RTN1: variants seen among roughly 807,000 people sequenced by gnomAD.
RTN1 encodes the protein reticulon-1.
A neutral mutation model predicts 65.5 loss-of-function variants in RTN1; 25 were observed. The observed-to-expected ratio is 0.38, with a 90% CI of 0.28 to 0.53. RTN1 has a LOEUF of 0.53. Among genes scored for constraint, RTN1 ranks in the 20% least tolerant of loss-of-function variants. RTN1 has a pLI of 0.79. For missense variants in RTN1, 983 were observed against 1,025.4 expected (o/e 0.96, Z 0.57); for synonymous variants, 471 against 447.6 (o/e 1.05, Z -0.66).
chr14:59,768,295 C>T (rs1885887999), intron 1 of RTN1, among the ~76,000 whole-genome samples: 1 of 152,160 alleles, frequency 6.6e-6, no homozygotes, highest in Non-Finnish European at 1.5e-5. Context: ...TTAAAAAATT[C>T]CCTATAAATG....
chr14:59,812,027 G>A (rs1032606760), intron 1 of RTN1, among the ~76,000 whole-genome samples: 1 of 152,110 alleles, frequency 6.6e-6, no homozygotes, highest in Non-Finnish European at 1.5e-5. Flanking sequence ...GCACCTCACT[G>A]TGCTATTCAG....
In RTN1 at chr14:59,643,756, CA is replaced by C. The variant is rs1437851518; in HGVS notation, c.1766-36265del. 2.0e-5 allele frequency among the ~76,000 whole-genome samples: 3 copies of C among 151,982 alleles called. No individual in the cohort carries two copies. In the South Asian group the frequency reaches 6.2e-4, roughly 32 times the overall value. On this transcript the variant is annotated intron_variant, in intron 3 of 8. Transcript: ENST00000267484. Reference sequence around the variant, plus strand: ...AGTCAGAAAAGTTACTAAAAACAAACAAAAAATCAAAACAATAACAATAACT... The same window carrying C: ...AGTCAGAAAAGTTACTAAAAACAAACAAAAATCAAAACAATAACAATAACT...
At chr14:59,742,986 ACT>A (rs1215725448) in intron 2 of RTN1, among the ~76,000 whole-genome samples, 1 of 152,074 alleles carries the variant, frequency 6.6e-6, no homozygotes, top group Non-Finnish European at 1.5e-5. Flanking sequence ...TTGTCATATG[ACT>A]CTGGTATTTT....
At chr14:59,691,062 A>T (rs2140228062) in intron 3 of RTN1, among the ~76,000 whole-genome samples, 1 of 152,194 alleles carries the variant, frequency 6.6e-6, no homozygotes. Flanking sequence ...CAAAAGCTAG[A>T]AGAGGAAAAG....
chr14:59,630,371 G>C (rs903303215), intron 3 of RTN1: 8 of 1,589,416 alleles, frequency 5.0e-6, no homozygotes, highest in Non-Finnish European at 6.9e-6. Context: ...CAGGTGAAAT[G>C]ATGCACAATG....
chr14:59,635,425 T>C lies in RTN1; in HGVS notation c.1766-27933A>G, dbSNP rs117009681. ...AAAAAAATTGAACCTTAGAAATGAA[T>C]TGCATGAAAAAAATGCTGGACATAA... On this transcript the variant is annotated intron_variant, in intron 3 of 8. Coordinates refer to ENST00000267484, the MANE Select transcript of RTN1 (RefSeq NM_021136.3). Among the ~76,000 whole-genome samples the C allele has an allele frequency of 8.4e-3, 1,279 of 151,964 alleles. 16 individuals carry two copies. The highest frequency in any genetic ancestry group is 0.01 in the Middle Eastern group (3 of 294).
At chr14:59,831,437 A>T (rs1401323314) in intron 1 of RTN1, among the ~76,000 whole-genome samples, 1 of 152,134 alleles carries the variant, frequency 6.6e-6, no homozygotes, top group African/African-American at 2.4e-5. Context: ...ACAAACTGAA[A>T]CATTGGCTCT....
At chr14:59,623,550 G>A (rs1882312959) in intron 3 of RTN1, among the ~76,000 whole-genome samples, 1 of 152,202 alleles carries the variant, frequency 6.6e-6, no homozygotes, top group Admixed American at 6.5e-5. Context: ...GTTGAGGCAT[G>A]AAGAAATAAT....
chr14:59,788,339 A>G (rs1886289606), intron 1 of RTN1, among the ~76,000 whole-genome samples: 1 of 152,216 alleles, frequency 6.6e-6, no homozygotes, highest in Non-Finnish European at 1.5e-5. Context: ...ACTCCTACCA[A>G]CAGCATGAGA....
At chr14:59,782,479 A>G (rs1886174326) in intron 1 of RTN1, among the ~76,000 whole-genome samples, 2 of 152,338 alleles carry the variant, frequency 1.3e-5, no homozygotes, top group South Asian at 2.1e-4. Flanking sequence ...GCCAATTTAG[A>G]TAGTGCACTT....
In RTN1 at chr14:59,679,230, G is replaced by A. The variant is rs80227430; in HGVS notation, c.1765+47689C>T. Among the ~76,000 whole-genome samples, 627 of 152,294 alleles carry A rather than the reference G, an allele frequency of 4.1e-3. 4 individuals are homozygous for A. The highest frequency in any genetic ancestry group is 0.015 in the African/African-American group (609 of 41,558). On this transcript the variant is annotated intron_variant, in intron 3 of 8. Transcript: ENST00000267484. ...GAAGTATTCTCAATTTCCCTCTTAA[G>A]CATCAGAAGTTGCACAGGTGCTCTG...
At chr14:59,657,058 C>A (rs888818702) in intron 3 of RTN1, among the ~76,000 whole-genome samples, 1 of 152,036 alleles carries the variant, frequency 6.6e-6, no homozygotes, top group African/African-American at 2.4e-5. Context: ...GATATAATAC[C>A]TAATCCACAA....
At chr14:59,799,142 C>A (rs998448782) in intron 1 of RTN1, among the ~76,000 whole-genome samples, 2 of 152,044 alleles carry the variant, frequency 1.3e-5, no homozygotes, top group Non-Finnish European at 2.9e-5. Context: ...GGTATTACCT[C>A]GTGATTTGAG....
chr14:59,866,583 A>G (rs1314389390), intron 1 of RTN1, among the ~76,000 whole-genome samples: 1 of 152,168 alleles, frequency 6.6e-6, no homozygotes, highest in Non-Finnish European at 1.5e-5. Flanking sequence ...ATATTAAAGA[A>G]CATATATTGT....
intron 1 of RTN1, among the ~76,000 whole-genome samples, chr14:59,852,474 T>A (rs1338987679): frequency 6.6e-6 from 1 of 152,220 alleles, no homozygotes; most frequent in African/African-American, 2.4e-5. Flanking sequence ...TTCCTAATAA[T>A]AATGGTAAAA....
intron 1 of RTN1, among the ~76,000 whole-genome samples, chr14:59,808,210 G>A (rs1886670066): frequency 1.3e-5 from 2 of 152,180 alleles, no homozygotes; most frequent in Non-Finnish European, 2.9e-5. Context: ...AGTGTGGAAT[G>A]TGAAACATAC....
intron 1 of RTN1, among the ~76,000 whole-genome samples, chr14:59,748,375 C>T (rs555216485): frequency 8.5e-5 from 13 of 152,076 alleles, no homozygotes; most frequent in Admixed American, 7.2e-4. Flanking sequence ...CCTACCTCAG[C>T]GGCTTTGCAC....
At chr14:59,740,930 T>G (rs1885103140) in intron 2 of RTN1, among the ~76,000 whole-genome samples, 1 of 152,044 alleles carries the variant, frequency 6.6e-6, no homozygotes, top group Non-Finnish European at 1.5e-5. Context: ...AATTGAGAGA[T>G]AAGAAAGGCA....
intron 8 of RTN1, 22 bp downstream of exon 8, chr14:59,603,043 T>C (rs751901319): frequency 2.5e-6 from 4 of 1,602,958 alleles, no homozygotes; most frequent in Non-Finnish European, 3.4e-6. Flanking sequence ...TCTCCTTTTA[T>C]GCATTGCACT....
Sources: allele counts gnomAD v4.1 joint callset (sites outside exome capture counted in the v4.1 genomes callset), GRCh38; gene constraint gnomAD v4.1.1; transcripts MANE v1.5; gene names NCBI Gene and HGNC (gene_info 2026-07-23, HGNC 2026-07-21).